AKAP6: variants seen among roughly 807,000 people sequenced by gnomAD.
AKAP6 encodes A-kinase anchor protein 6.
A neutral mutation model predicts 188.5 loss-of-function variants in AKAP6; 58 were observed. The observed-to-expected ratio is 0.31, with a 90% CI of 0.25 to 0.38. The LOEUF is 0.38. Among genes scored for constraint, AKAP6 ranks in the 10% least tolerant of loss-of-function variants. The pLI is 1.00. For synonymous variants in AKAP6, 989 were observed against 998.6 expected (o/e 0.99, Z 0.18); for missense variants, 2,710 against 2,740.0 (o/e 0.99, Z 0.24).
chr14:32,623,785 G>A (rs866550127), intron 7 of AKAP6, among the ~76,000 whole-genome samples: 1 of 152,124 alleles, frequency 6.6e-6, no homozygotes, highest in Non-Finnish European at 1.5e-5. Context: ...TCATAAAGCC[G>A]TATTCCTTGT....
intron 11 of AKAP6, among the ~76,000 whole-genome samples, chr14:32,755,966 CTT>C (rs939501713): frequency 3.9e-5 from 6 of 152,216 alleles, no homozygotes; most frequent in African/African-American, 1.4e-4. Flanking sequence ...CTATTCCAGT[CTT>C]TACAGACTCA....
intron 7 of AKAP6, among the ~76,000 whole-genome samples, chr14:32,665,666 G>A (rs1057135807): frequency 1.3e-5 from 2 of 152,102 alleles, no homozygotes; most frequent in African/African-American, 2.4e-5. Context: ...CAATCAGAAA[G>A]GCAGGCGAAC....
chr14:32,806,191 A>G (rs1488919789), intron 12 of AKAP6, among the ~76,000 whole-genome samples: 1 of 152,248 alleles, frequency 6.6e-6, no homozygotes, highest in African/African-American at 2.4e-5. Context: ...AGAACGGGAC[A>G]TGAGCTTCAC....
intron 2 of AKAP6, among the ~76,000 whole-genome samples, chr14:32,535,218 C>T (rs1021446507): frequency 6.6e-6 from 1 of 152,072 alleles, no homozygotes; most frequent in African/African-American, 2.4e-5. Flanking sequence ...GCCACTGGTT[C>T]CCTTCCAGAA....
intron 9 of AKAP6, among the ~76,000 whole-genome samples, chr14:32,707,120 G>A (rs1033164713): frequency 6.6e-6 from 1 of 152,128 alleles, no homozygotes. Context: ...CACATAAAAT[G>A]TGTTTATTCA....
At chr14:32,540,199 TTTTTTA>T (rs1882885447) in intron 3 of AKAP6, among the ~76,000 whole-genome samples, 1 of 131,840 alleles carries the variant, frequency 7.6e-6, no homozygotes, top group African/African-American at 2.9e-5. Context: ...TATATTTTAA[TTTTTTA>T]TTTTTTTTTT....
At chr14:32,650,397 G>A (rs905185030) in intron 7 of AKAP6, among the ~76,000 whole-genome samples, 4 of 152,140 alleles carry the variant, frequency 2.6e-5, no homozygotes, top group African/African-American at 9.6e-5. Flanking sequence ...CGGATTGCTT[G>A]AGGCCAGGAG....
At chr14:32,446,005 A>T (rs1210185332) in intron 2 of AKAP6, among the ~76,000 whole-genome samples, 2 of 152,200 alleles carry the variant, frequency 1.3e-5, no homozygotes, top group African/African-American at 4.8e-5. Context: ...GAATGATTTG[A>T]GGGAGAAAGC....
intron 12 of AKAP6, among the ~76,000 whole-genome samples, chr14:32,813,771 C>G (rs2034308428): frequency 6.6e-6 from 1 of 152,026 alleles, no homozygotes; most frequent in Non-Finnish European, 1.5e-5. Flanking sequence ...GCTCTTTCTT[C>G]TCGGAATTCC....
intron 4 of AKAP6, among the ~76,000 whole-genome samples, chr14:32,563,144 AGAGATTTCT>A (rs1884028067): frequency 1.3e-5 from 2 of 152,156 alleles, no homozygotes; most frequent in Non-Finnish European, 2.9e-5. Context: ...ATTCATAGTA[AGAGATTTCT>A]GGGGGAATGC....
chr14:32,732,369 C>T (rs893688338), intron 9 of AKAP6, 85 bp from the exon 10 acceptor site: 15 of 1,466,628 alleles, frequency 1.0e-5, no homozygotes, highest in African/African-American at 4.3e-5. Flanking sequence ...TTTTAATGCT[C>T]GTAAGCATCA....
intron 1 of AKAP6, among the ~76,000 whole-genome samples, chr14:32,340,122 A>G (rs1886843973): frequency 6.6e-6 from 1 of 151,992 alleles, no homozygotes; most frequent in African/African-American, 2.4e-5. Flanking sequence ...CATAATCATA[A>G]CAAGCTGAAT....
rs1335963222 is a variant in AKAP6 at position 32,414,289 on chromosome 14, T to C, written c.-34-19171T>C. Among the ~76,000 whole-genome samples the C allele has an allele frequency of 2.0e-5, 3 of 152,158 alleles. No homozygotes were observed. The East Asian group carries it at 5.8e-4, about 29-fold the overall frequency. On this transcript the variant is annotated intron_variant, in intron 1 of 13. Coordinates refer to ENST00000280979, the MANE Select transcript of AKAP6 (RefSeq NM_004274.5). ...AGTGTATACCAGGGAGTGCTGGTTCTGTTAATAAAGAAATGTATGTTTGGA... is the reference window on the plus strand; with the variant it reads ...AGTGTATACCAGGGAGTGCTGGTTCCGTTAATAAAGAAATGTATGTTTGGA...
chr14:32,520,665 A>T (rs1256075775), intron 2 of AKAP6, among the ~76,000 whole-genome samples: 1 of 152,224 alleles, frequency 6.6e-6, no homozygotes, highest in East Asian at 1.9e-4. Context: ...TGAATCTCTT[A>T]AACCAATAAC....
intron 11 of AKAP6, among the ~76,000 whole-genome samples, chr14:32,743,939 C>T (rs1403187522): frequency 6.6e-6 from 1 of 152,140 alleles, no homozygotes; most frequent in African/African-American, 2.4e-5. Context: ...GAAGTATTCC[C>T]CTTAGGATTT....
At chr14:32,595,599 C>T (rs899768834) in intron 5 of AKAP6, among the ~76,000 whole-genome samples, 2 of 152,120 alleles carry the variant, frequency 1.3e-5, no homozygotes, top group Admixed American at 1.3e-4. Flanking sequence ...ACCTTGAACT[C>T]CTGGGCTCAA....
At chr14:32,665,268 G>A (rs982749431) in intron 7 of AKAP6, among the ~76,000 whole-genome samples, 2 of 152,072 alleles carry the variant, frequency 1.3e-5, no homozygotes, top group Non-Finnish European at 2.9e-5. Context: ...CACACCAGTC[G>A]AAAGTTCGGC....
chr14:32,802,959 G>A (rs1435393140), intron 12 of AKAP6, among the ~76,000 whole-genome samples: 10 of 151,596 alleles, frequency 6.6e-5, no homozygotes, highest in Admixed American at 2.6e-4. Flanking sequence ...TTAGCCAGGC[G>A]TGGTTGTGTA....
At chr14:32,721,455 A>G (rs1200899819) in intron 9 of AKAP6, among the ~76,000 whole-genome samples, 1 of 152,218 alleles carries the variant, frequency 6.6e-6, no homozygotes, top group Admixed American at 6.5e-5. Context: ...ATATGAACCT[A>G]ACCACATAAA....
Sources: allele counts gnomAD v4.1 joint callset (sites outside exome capture counted in the v4.1 genomes callset), GRCh38; gene constraint gnomAD v4.1.1; transcripts MANE v1.5; gene names NCBI Gene and HGNC (gene_info 2026-07-23, HGNC 2026-07-21).